Variants in RSF1 observed in about 807,000 individuals in gnomAD.
RSF1 encodes the protein HBV pX-associated protein 8.
RSF1 carries 13 observed loss-of-function variants against 145.2 expected under a neutral mutation model. The observed-to-expected ratio is 0.09, with a 90% CI of 0.06 to 0.14. The LOEUF is 0.14. RSF1 is among the 10% of genes least tolerant of loss of function. The pLI, the probability that RSF1 is intolerant of heterozygous loss-of-function variation, is 1.00. For synonymous variants in RSF1, 577 were observed against 592.6 expected, an observed-to-expected ratio of 0.97 and a Z score of 0.38; for missense variants, 1,517 against 1,718.2, an observed-to-expected ratio of 0.88 and a Z score of 2.07.
the RSF1 span, among the ~76,000 whole-genome samples, chr11:77,833,891 T>C: frequency 1.3e-5 from 2 of 152,154 alleles, no homozygotes; most frequent in African/African-American, 4.8e-5. Context: ...TAATTATTTA[T>C]TCTGCCAGCT....
intron 1 of RSF1, among the ~76,000 whole-genome samples, chr11:77,770,450 G>C (rs144325183): frequency 2.0e-4 from 31 of 152,164 alleles, no homozygotes; most frequent in Non-Finnish European, 3.4e-4. Flanking sequence ...GTGAGACTCC[G>C]TCTCAAAAAA....
At chr11:77,721,515 C>T (rs1960940684) in intron 5 of RSF1, among the ~76,000 whole-genome samples, 1 of 152,124 alleles carries the variant, frequency 6.6e-6, no homozygotes, top group African/African-American at 2.4e-5. Flanking sequence ...AATATTAGGT[C>T]TGCCATTAAC....
At chr11:77,677,986 G>T in intron 12 of RSF1, 100 bp downstream of exon 12, 2 of 788,408 alleles carry the variant, frequency 2.5e-6, no homozygotes, top group Non-Finnish European at 2.2e-6. Context: ...GATACATAAC[G>T]GGAAAGAGAA....
At chr11:77,775,620 T>C (rs1948334565) in intron 1 of RSF1, among the ~76,000 whole-genome samples, 2 of 152,228 alleles carry the variant, frequency 1.3e-5, no homozygotes, top group Admixed American at 6.5e-5. Context: ...ATGCTCATCA[T>C]GTATATTCCA....
chr11:77,842,504 C>A, the RSF1 span: 1 of 1,613,138 alleles, frequency 6.2e-7, no homozygotes, highest in Non-Finnish European at 8.5e-7. Flanking sequence ...CTTATGACTT[C>A]CCCTGAAATT....
chr11:77,808,897 G>C (rs1948705409), intron 1 of RSF1, among the ~76,000 whole-genome samples: 1 of 152,128 alleles, frequency 6.6e-6, no homozygotes, highest in Non-Finnish European at 1.5e-5. Context: ...AAAGTAAAAA[G>C]AGGTGAGTGG....
intron 9 of RSF1, among the ~76,000 whole-genome samples, chr11:77,685,841 T>C (rs927465197): frequency 7.2e-5 from 11 of 152,156 alleles, no homozygotes; most frequent in Non-Finnish European, 1.6e-4. Context: ...TTTTTAGTAA[T>C]ATTTTGGGTG....
intron 9 of RSF1, among the ~76,000 whole-genome samples, chr11:77,689,295 C>T (rs1342120448): frequency 1.3e-5 from 2 of 152,164 alleles, no homozygotes; most frequent in Non-Finnish European, 2.9e-5. Flanking sequence ...TAAAGATATA[C>T]TTACATATGT....
At chr11:77,819,514 C>G (rs1303546951) in intron 1 of RSF1, among the ~76,000 whole-genome samples, 1 of 152,194 alleles carries the variant, frequency 6.6e-6, no homozygotes, top group African/African-American at 2.4e-5. Flanking sequence ...TGCACCCGCG[C>G]GGTGGCCTTA....
the RSF1 span, among the ~76,000 whole-genome samples, chr11:77,827,152 G>A: frequency 2.0e-5 from 3 of 151,168 alleles, no homozygotes; most frequent in Non-Finnish European, 4.4e-5. Flanking sequence ...CCCTGGCCCC[G>A]CCCCCCTCAG....
At chr11:77,826,057 C>T in the RSF1 span, among the ~76,000 whole-genome samples, 5 of 152,008 alleles carry the variant, frequency 3.3e-5, no homozygotes, top group African/African-American at 1.2e-4. Flanking sequence ...TTGGTTTCTC[C>T]GATGGAGTAA....
the RSF1 span, among the ~76,000 whole-genome samples, chr11:77,844,560 C>T: frequency 6.6e-6 from 1 of 152,166 alleles, no homozygotes; most frequent in East Asian, 1.9e-4. Context: ...TGAGGTCTCA[C>T]TACATTGCCC....
intron 1 of RSF1, among the ~76,000 whole-genome samples, chr11:77,787,567 T>C (rs920490465): frequency 3.3e-5 from 5 of 152,088 alleles, no homozygotes; most frequent in Middle Eastern, 3.2e-3. Context: ...AAATACGTAC[T>C]ATCTGGGTCT....
intron 5 of RSF1, among the ~76,000 whole-genome samples, chr11:77,723,384 G>A (rs1214437046): frequency 6.6e-6 from 1 of 151,556 alleles, no homozygotes; most frequent in Admixed American, 6.6e-5. Flanking sequence ...GATCACTTGA[G>A]CCCAAGAGTT....
At chr11:77,788,104 T>C (rs1253197269) in intron 1 of RSF1, among the ~76,000 whole-genome samples, 1 of 118,782 alleles carries the variant, frequency 8.4e-6, no homozygotes, top group Non-Finnish European at 1.6e-5. Flanking sequence ...ATCACACCAC[T>C]GTAGTCTAAC....
At chr11:77,681,222 T>A (rs781019777) in intron 11 of RSF1, among the ~76,000 whole-genome samples, 1 of 152,188 alleles carries the variant, frequency 6.6e-6, no homozygotes, top group Non-Finnish European at 1.5e-5. Context: ...ACACAGATTA[T>A]CCCTTTAAGC....
the RSF1 span, among the ~76,000 whole-genome samples, chr11:77,848,861 C>G: frequency 6.6e-6 from 1 of 152,206 alleles, no homozygotes; most frequent in African/African-American, 2.4e-5. Context: ...TCATAGCTCA[C>G]TGCAACCTCA....
intron 1 of RSF1, among the ~76,000 whole-genome samples, chr11:77,815,218 C>T (rs1948770577): frequency 6.6e-6 from 1 of 152,182 alleles, no homozygotes; most frequent in African/African-American, 2.4e-5. Flanking sequence ...GCAAACCTAA[C>T]GTACAGATAT....
At position 77,807,516 on chromosome 11, in the gene RSF1, AGGAACACACC is replaced by A. The variant is rs1432763571; in HGVS notation, c.187+13002_187+13011del. Among the ~76,000 whole-genome samples, 4 of 152,372 alleles carry A rather than the reference AGGAACACACC, an allele frequency of 2.6e-5. No individual in the cohort carries two copies. In the East Asian group the frequency reaches 7.7e-4, roughly 29 times the overall value. On this transcript the variant is annotated intron_variant, in intron 1 of 15. Coordinates refer to ENST00000308488, the MANE Select transcript of RSF1 (RefSeq NM_016578.4). ...ACACAAGGAGGTTAAAAGGATGGAA[AGGAACACACC>A]ATGCAAAGTAAACAAAAGACCATGC...
Sources: gnomAD v4.1 joint callset for allele counts (sites outside exome capture counted in the v4.1 genomes callset) on GRCh38, gnomAD v4.1.1 for gene constraint, MANE v1.5 for transcripts, NCBI Gene and HGNC (gene_info 2026-07-23, HGNC 2026-07-21) for gene names.